The following PRKDC variants were observed in gnomAD, a reference collection of about 807,000 sequenced individuals.
The protein encoded by PRKDC is protein kinase, DNA-activated, catalytic subunit.
A neutral mutation model predicts 486.9 loss-of-function variants in PRKDC; 82 were observed. The ratio of observed to expected loss-of-function variants is 0.17; its 90% confidence interval spans 0.14 to 0.20. The LOEUF (loss-of-function observed/expected upper bound fraction) is 0.20. Ranked by LOEUF, PRKDC falls within the 10% of genes least tolerant of loss-of-function variation. The probability of loss-of-function intolerance (pLI) is 1.00; values close to 1 mark genes in which losing one functional copy is unlikely to be tolerated. For missense variants in PRKDC, 4,504 were observed against 5,038.2 expected (o/e 0.89, Z 3.21); for synonymous variants, 1,895 against 1,837.0 (o/e 1.03, Z -0.81).
At chr8:47,859,832 AATG>A in intron 45 of PRKDC, 73 bp from the exon 46 acceptor site, 1 of 1,387,080 alleles carries the variant, frequency 7.2e-7, no homozygotes, top group South Asian at 1.3e-5. Flanking sequence ...TCTAAATTCA[AATG>A]ATATGAAAAT....
chr8:47,838,138 A>C lies in PRKDC; in HGVS notation c.7554-719T>G, dbSNP rs1368322546. Among the ~76,000 whole-genome samples the C allele has an allele frequency of 2.0e-5, 3 of 152,074 alleles. No individual in the cohort carries two copies. The East Asian group carries it at 5.8e-4, about 29-fold the overall frequency. The stretch of plus-strand genomic sequence containing the variant: ...GTGACAGAGTGAGACTCCATCTCAA[A>C]AAAATAAAATAAAATAAATGTATGT... On this transcript the variant is annotated intron_variant, in intron 56 of 85. Transcript: ENST00000314191.
intron 21 of PRKDC, among the ~76,000 whole-genome samples, chr8:47,925,639 A>G (rs1157394434): frequency 6.6e-6 from 1 of 152,250 alleles, no homozygotes; most frequent in Non-Finnish European, 1.5e-5. Context: ...GGATTTTGAT[A>G]ATAATACTGT....
chr8:47,882,713 C>T (rs538013959), intron 36 of PRKDC, among the ~76,000 whole-genome samples: 1 of 152,224 alleles, frequency 6.6e-6, no homozygotes, highest in Non-Finnish European at 1.5e-5. Context: ...GAGTGACAGG[C>T]TAATTTTGGT....
intron 7 of PRKDC, among the ~76,000 whole-genome samples, chr8:47,946,590 C>T (rs1206415827): frequency 2.0e-5 from 3 of 152,162 alleles, no homozygotes; most frequent in African/African-American, 4.8e-5. Context: ...TGAGACCCTC[C>T]GCCTGGTCTC....
At chr8:47,951,754 A>G (rs1350488608) in intron 7 of PRKDC, among the ~76,000 whole-genome samples, 1 of 152,156 alleles carries the variant, frequency 6.6e-6, no homozygotes, top group Admixed American at 6.5e-5. Flanking sequence ...AATGATATCT[A>G]CAACTCAACA....
rs376905063 is a variant in PRKDC, at chr8:47,808,301, G to A, written c.9558-975C>T. Among the ~76,000 whole-genome samples, 72 of 151,808 alleles carry A rather than the reference G, an allele frequency of 4.7e-4. 1 individual carries two copies. Among genetic ancestry groups the A allele is most frequent in the Admixed American group, 4.7e-3 (71 of 15,258 alleles). ...GGGTTGGTTACAGGTGCGTGCTACC[G>A]CATCAAGCTAAGTTTTACACTTTTT... On this transcript the variant is annotated intron_variant, in intron 68 of 85. Coordinates refer to ENST00000314191, the MANE Select transcript of PRKDC (RefSeq NM_006904.7).
intron 69 of PRKDC, among the ~76,000 whole-genome samples, chr8:47,805,959 A>G (rs892046995): frequency 6.6e-6 from 1 of 152,112 alleles, no homozygotes; most frequent in African/African-American, 2.4e-5. Context: ...CACACAGCTT[A>G]CAACTAGCCA....
rs1486747861 is a variant in PRKDC at position 47,794,442 on chromosome 8, C to T, written c.10518G>A (p.Leu3506=). 1 of 1,613,764 alleles carries T rather than the reference C, an allele frequency of 6.2e-7. No homozygotes were observed. The change falls in exon 74 of 86, where the codon CTG becomes CTA. Residue 3506 remains leucine, a synonymous_variant. Transcript: ENST00000314191. Reference sequence around the variant, plus strand: ...GAACAGCAACGGCTTGGTCTTTGTCCAGTAAGGCCACCATGTGGCTGATCC... The same window carrying T: ...GAACAGCAACGGCTTGGTCTTTGTCTAGTAAGGCCACCATGTGGCTGATCC... ...ISWISHMVAL[L]DKDQAVAVQH...
At chr8:47,836,248 C>A in intron 58 of PRKDC, 90 bp downstream of exon 58, 1 of 1,257,156 alleles carries the variant, frequency 8.0e-7, no homozygotes, top group Non-Finnish European at 1.0e-6. Flanking sequence ...TCCCTTACTT[C>A]TCTCACAAAA....
chr8:47,918,830 G>C (rs1194472136), intron 21 of PRKDC, among the ~76,000 whole-genome samples: 1 of 152,182 alleles, frequency 6.6e-6, no homozygotes, highest in Non-Finnish European at 1.5e-5. Flanking sequence ...GATGGGGGTA[G>C]AAAATCACCA....
At chr8:47,875,475 T>C (rs2089072104) in intron 40 of PRKDC, among the ~76,000 whole-genome samples, 1 of 152,230 alleles carries the variant, frequency 6.6e-6, no homozygotes, top group South Asian at 2.1e-4. Context: ...TTAGTTTTTT[T>C]CTTTTTCTAG....
At chr8:47,953,058 T>A (rs1174233069) in intron 7 of PRKDC, among the ~76,000 whole-genome samples, 1 of 152,054 alleles carries the variant, frequency 6.6e-6, no homozygotes, top group Non-Finnish European at 1.5e-5. Flanking sequence ...GGAGAATCAC[T>A]TGAACCAGGG....
chr8:47,947,914 G>T (rs2090560554), intron 7 of PRKDC, among the ~76,000 whole-genome samples: 1 of 151,584 alleles, frequency 6.6e-6, no homozygotes, highest in African/African-American at 2.4e-5. Context: ...GTCTCAAAAA[G>T]AAAAATAAAA....
rs1185236615 is a variant in PRKDC, at chr8:47,778,497, C to T, written c.11815G>A (p.Gly3939Arg). The stretch of plus-strand genomic sequence containing the variant: ...CCAAACGCATGCCCAAAGTCGATCC[C>T]GATCACGCCGCCAGTCTCCATGGCC... ...MVAMETGGVI[G>R]IDFGHAFGSA... The change falls in exon 83 of 86, where the codon GGG becomes AGG. Residue 3939 changes from glycine (G) to arginine (R), a missense_variant. Gly to Arg is a moderately radical substitution (Grantham distance 125). Around this residue, in one of 6 missense-constraint regions of PRKDC, gnomAD observed 706 missense variants for 945.0 expected, o/e 0.75. Transcript: ENST00000314191. 6.2e-7 allele frequency: 1 copy of T among 1,613,426 alleles called. No homozygotes were observed. The highest frequency in any genetic ancestry group is 8.5e-7 in the Non-Finnish European group (1 of 1,179,764).
In PRKDC at chr8:47,773,430, G is replaced by A. The variant is rs2086554487; in HGVS notation, c.*743C>T. The A allele has an allele frequency of 4.6e-6, 1 of 215,568 alleles. No homozygotes were observed. Among genetic ancestry groups the A allele is most frequent in the African/African-American group, 2.3e-5 (1 of 44,386 alleles). 13.4% of individuals were successfully genotyped at this position (215,568 alleles called of 1,614,324 possible). A position where few individuals can be genotyped will look rare whatever the true frequency, so the allele number is the denominator to read the frequency against. On this transcript the variant is annotated 3_prime_UTR_variant, in exon 86 of 86. Transcript: ENST00000314191. ...GTACTATCCCTAACAACAACCATGG[G>A]ATTTTTGAAGTTATCCCAAATTCAA... is the stretch of plus-strand genomic sequence containing the variant.
intron 73 of PRKDC, among the ~76,000 whole-genome samples, chr8:47,795,539 C>T (rs1268499362): frequency 7.0e-6 from 1 of 142,670 alleles, no homozygotes; most frequent in Non-Finnish European, 1.5e-5. Context: ...ATCGCTCAGG[C>T]TGGAGTGCTG....
Position 47,943,366 on chromosome 8 carries a change from G to C in PRKDC, c.809C>G (p.Ala270Gly). The C allele has an allele frequency of 1.9e-6, 3 of 1,595,198 alleles. No homozygotes were observed. Among genetic ancestry groups the C allele is most frequent in the Non-Finnish European group, 2.6e-6 (3 of 1,172,930 alleles). The change falls in exon 10 of 86, where the codon GCT becomes GGT. Residue 270 changes from alanine to glycine, a missense_variant and splice_region_variant. Physicochemically the swap from Ala to Gly is moderately conservative, Grantham distance 60 (BLOSUM62 0). Transcript: ENST00000314191. ...ATGCAGGGCAAATAGGCGCAAGCCAGCTGCAAATGCAAATGCCATTATATT... is the reference window on the plus strand; with the variant it reads ...ATGCAGGGCAAATAGGCGCAAGCCACCTGCAAATGCAAATGCCATTATATT... The part of the protein sequence containing the change: ...IDLKRYAVPS[A>G]GLRLFALHAS...
chr8:47,956,977 C>CAAAAAAAAAAAAAAAAAAAAAAAAAAAA (rs2090713226), intron 3 of PRKDC, among the ~76,000 whole-genome samples, 194 bp downstream of exon 3: 1 of 11,452 alleles, frequency 8.7e-5, no homozygotes, highest in Non-Finnish European at 2.1e-4. Flanking sequence ...AACTCCTTCT[C>CAAAAAAAAAAAAAAAAAAAAAAAAAAAA]CAAAAAAAAA....
chr8:47,799,988 A>C (rs2087065560), intron 71 of PRKDC, among the ~76,000 whole-genome samples: 1 of 152,204 alleles, frequency 6.6e-6, no homozygotes, highest in Admixed American at 6.5e-5. Flanking sequence ...TAATTCAAAA[A>C]AATTTAAAAT....
Sources: gnomAD v4.1 joint callset for allele counts (sites outside exome capture counted in the v4.1 genomes callset) on GRCh38, gnomAD v4.1.1 for gene constraint, gnomAD v4.1.1 regional missense constraint, MANE v1.5 for transcripts, NCBI Gene and HGNC (gene_info 2026-07-23, HGNC 2026-07-21) for gene names.